Variants in KIAA1328 observed in about 807,000 individuals in gnomAD.
KIAA1328 encodes protein hinderin.
Under a neutral mutation model 68.1 loss-of-function variants are expected in KIAA1328, and 52 were observed. The ratio of observed to expected loss-of-function variants is 0.76; its 90% CI spans 0.61 to 0.96. The LOEUF is 0.96. Among genes scored for constraint, KIAA1328 ranks in the 40% least tolerant of loss-of-function variants. The pLI is 0.00. For missense variants in KIAA1328, 641 were observed against 677.6 expected, an observed-to-expected ratio of 0.95 and a Z score of 0.60; for synonymous variants, 232 against 239.4, an observed-to-expected ratio of 0.97 and a Z score of 0.28.
chr18:36,886,499 GGT>G (rs34886782), intron 5 of KIAA1328: 405 of 149,918 alleles, frequency 2.7e-3, no homozygotes, highest in African/African-American at 8.5e-3. Flanking sequence ...GACCTAGAGG[GGT>G]GTGTGTGTGT....
chr18:37,078,850 G>T (rs1456800752), intron 7 of KIAA1328, among the ~76,000 whole-genome samples: 1 of 150,050 alleles, frequency 6.7e-6, no homozygotes. Flanking sequence ...GAGAGGATGT[G>T]GAGAAATAGG....
chr18:37,105,566 T>G (rs1237861699), intron 7 of KIAA1328, among the ~76,000 whole-genome samples: 1 of 148,846 alleles, frequency 6.7e-6, no homozygotes, highest in Admixed American at 6.7e-5. Flanking sequence ...GAATGTTACA[T>G]AACTTCCATA....
chr18:37,210,408 C>T (rs2060294465), intron 9 of KIAA1328, among the ~76,000 whole-genome samples: 1 of 152,168 alleles, frequency 6.6e-6, no homozygotes, highest in African/African-American at 2.4e-5. Context: ...TATCACTTCT[C>T]CTTAATGAGG....
chr18:36,923,239 C>G (rs923765592), intron 5 of KIAA1328, among the ~76,000 whole-genome samples: 5 of 152,114 alleles, frequency 3.3e-5, no homozygotes, highest in Admixed American at 6.5e-5. Context: ...TCAGTAAAAT[C>G]AGCTTTCACC....
chr18:37,145,676 T>C (rs1429902309), intron 7 of KIAA1328, among the ~76,000 whole-genome samples: 3 of 152,226 alleles, frequency 2.0e-5, no homozygotes, highest in Non-Finnish European at 4.4e-5. Flanking sequence ...GTCTACCTGA[T>C]TATTTGCCCC....
chr18:37,101,112 C>T (rs1437771692), intron 7 of KIAA1328, among the ~76,000 whole-genome samples: 1 of 152,174 alleles, frequency 6.6e-6, no homozygotes, highest in South Asian at 2.1e-4. Context: ...CAGAGCGCCT[C>T]TCCTCCTCCA....
intron 1 of KIAA1328, among the ~76,000 whole-genome samples, chr18:36,830,533 T>C (rs2046439672): frequency 2.0e-5 from 3 of 152,316 alleles, no homozygotes; most frequent in Non-Finnish European, 4.4e-5. Flanking sequence ...TGAAGGTTAT[T>C]AGCTTATAGC....
At chr18:36,988,550 G>T (rs1335516510) in intron 6 of KIAA1328, among the ~76,000 whole-genome samples, 1 of 152,160 alleles carries the variant, frequency 6.6e-6, no homozygotes, top group African/African-American at 2.4e-5. Context: ...TTGGCAAGCT[G>T]CATTATTCTA....
intron 7 of KIAA1328, among the ~76,000 whole-genome samples, chr18:37,128,313 A>G (rs911136381): frequency 6.6e-6 from 1 of 152,144 alleles, no homozygotes; most frequent in Non-Finnish European, 1.5e-5. Flanking sequence ...TACTAAAAAA[A>G]TACCAAAAAG....
chr18:36,912,360 C>T (rs959716025), intron 5 of KIAA1328, among the ~76,000 whole-genome samples: 1 of 152,108 alleles, frequency 6.6e-6, no homozygotes, highest in East Asian at 1.9e-4. Context: ...TTCCTTGGCT[C>T]CTGGCTCTGT....
chr18:37,017,165 T>C (rs1344952871), intron 6 of KIAA1328, among the ~76,000 whole-genome samples: 1 of 152,140 alleles, frequency 6.6e-6, no homozygotes, highest in African/African-American at 2.4e-5. Context: ...ATGTCTCCTT[T>C]TTCATTTATT....
At chr18:37,125,855 G>A (rs1264578478) in intron 7 of KIAA1328, among the ~76,000 whole-genome samples, 1 of 152,210 alleles carries the variant, frequency 6.6e-6, no homozygotes, top group Non-Finnish European at 1.5e-5. Context: ...AGTTGCTATT[G>A]TTGAACAGTT....
chr18:37,037,834 G>T (rs892160568), intron 6 of KIAA1328, among the ~76,000 whole-genome samples: 3 of 152,122 alleles, frequency 2.0e-5, no homozygotes, highest in Non-Finnish European at 4.4e-5. Context: ...AGGCACTGTG[G>T]CTCACACCTG....
At chr18:37,056,948 A>G (rs2055934137) in intron 6 of KIAA1328, among the ~76,000 whole-genome samples, 1 of 152,038 alleles carries the variant, frequency 6.6e-6, no homozygotes, top group African/African-American at 2.4e-5. Context: ...CAGCCTATAT[A>G]AGACAAATCC....
At chr18:37,130,702 GA>G (rs1006770614) in intron 7 of KIAA1328, among the ~76,000 whole-genome samples, 1 of 152,074 alleles carries the variant, frequency 6.6e-6, no homozygotes, top group African/African-American at 2.4e-5. Context: ...AAATATGGTA[GA>G]AAAAAATAAT....
rs1030764499 is a variant in KIAA1328 at position 37,223,623 on chromosome 18, G to A, written c.*1396G>A. ...CTGGGAGTAAGACTTAGTCAGTGTT[G>A]GTAGACAAAGTCATACCACCCAGGG... On this transcript the variant is annotated 3_prime_UTR_variant, in exon 10 of 10. Coordinates refer to ENST00000280020, the MANE Select transcript of KIAA1328 (RefSeq NM_020776.3). 7 of 984,906 alleles carry A rather than the reference G, an allele frequency of 7.1e-6. No homozygotes were observed. The African/African-American group carries it at 1.1e-4, about 15-fold the overall frequency. The allele number at this position is 984,906 out of a possible 1,614,324, so 61.0% of individuals were successfully genotyped here. A position where few individuals can be genotyped will look rare whatever the true frequency, so the allele number is the denominator to read the frequency against.
intron 1 of KIAA1328, chr18:36,833,501 T>C (rs957063552): frequency 1.3e-5 from 2 of 152,212 alleles, no homozygotes; most frequent in African/African-American, 4.8e-5. Context: ...ATCTTGAGCA[T>C]TGCAGGCTGT....
chr18:36,862,686 T>A (rs566776109), intron 4 of KIAA1328, among the ~76,000 whole-genome samples: 69 of 152,216 alleles, frequency 4.5e-4, no homozygotes, highest in Non-Finnish European at 9.3e-4. Flanking sequence ...TGTGTGAACA[T>A]CACATTTTAA....
chr18:37,124,268 T>C (rs2058340167), intron 7 of KIAA1328, among the ~76,000 whole-genome samples: 1 of 152,198 alleles, frequency 6.6e-6, no homozygotes, highest in Admixed American at 6.5e-5. Flanking sequence ...CAAATAGATT[T>C]GTACCTGGTT....
Sources: allele counts gnomAD v4.1 joint callset (sites outside exome capture counted in the v4.1 genomes callset), GRCh38; gene constraint gnomAD v4.1.1; transcripts MANE v1.5; gene names NCBI Gene and HGNC (gene_info 2026-07-23, HGNC 2026-07-21).